Variants in COL7A1 observed in about 807,000 individuals in gnomAD.
COL7A1 encodes collagen type VII alpha 1 chain.
In COL7A1, 296 loss-of-function variants were observed where a neutral mutation model predicts 456.2. The ratio of observed to expected loss-of-function variants is 0.65; its 90% confidence interval spans 0.59 to 0.71. The LOEUF is 0.71. Among genes scored for constraint, COL7A1 ranks in the 30% least tolerant of loss-of-function variants. The probability of loss-of-function intolerance (pLI) is 0.00; values close to 1 mark genes in which losing one functional copy is unlikely to be tolerated. For missense variants in COL7A1, 3,441 were observed against 4,017.2 expected, an observed-to-expected ratio of 0.86 and a Z score of 3.88; for synonymous variants, 1,464 against 1,525.9, an observed-to-expected ratio of 0.96 and a Z score of 0.95.
Position 48,570,772 on chromosome 3 carries a change from C to G in COL7A1, c.7273-62G>C, listed in dbSNP as rs1019183174. On this transcript the variant is annotated intron_variant, in intron 95 of 118. Transcript: ENST00000681320. The surrounding 1 kb of genome is among the most constrained non-coding windows in gnomAD (Gnocchi z 5.5). ...CTTGGGAACCCTCCTACCCTCTGCC[C>G]CCTCAAGACTGGGAACCCCCAAGGC... 1.1e-5 allele frequency: 17 copies of G among 1,556,592 alleles called. No individual in the cohort carries two copies. The highest frequency in any genetic ancestry group is 1.5e-5 in the Non-Finnish European group (17 of 1,150,038).
chr3:48,590,926 T>TG lies in COL7A1; in HGVS notation c.1637-111dup. On this transcript the variant is annotated intron_variant, in intron 13 of 118. Coordinates refer to ENST00000681320, the MANE Select transcript of COL7A1 (RefSeq NM_000094.4). The surrounding 1 kb of genome is among the most constrained non-coding windows in gnomAD (Gnocchi z 4.6). ...GTGAGAAGGGCCATGGGGGTGGGGATGTGGGGTGGTGGGGACCAGAGAGCT... is the reference window on the plus strand; with the variant it reads ...GTGAGAAGGGCCATGGGGGTGGGGATGGTGGGGTGGTGGGGACCAGAGAGCT... 1 of 939,554 alleles carries TG rather than the reference T, an allele frequency of 1.1e-6. No individual in the cohort carries two copies. 58.2% of individuals were successfully genotyped at this position (939,554 alleles called of 1,614,324 possible). A position where few individuals can be genotyped will look rare whatever the true frequency, so the allele number is the denominator to read the frequency against.
chr3:48,575,284 T>TTGC lies in COL7A1; in HGVS notation c.6181-43_6181-42insGCA, dbSNP rs2044214137. 40 of 1,532,114 alleles carry TTGC rather than the reference T, an allele frequency of 2.6e-5. No homozygotes were observed. The highest frequency in any genetic ancestry group is 4.6e-5 in the East Asian group (2 of 43,486). The allele number at this position is 1,532,114 out of a possible 1,614,324, so 94.9% of individuals were successfully genotyped here. On this transcript the variant is annotated intron_variant, in intron 74 of 118. Transcript: ENST00000681320. The surrounding 1 kb of genome is among the most constrained non-coding windows in gnomAD (Gnocchi z 6.3). ...GGGTGAGGGCCAAGCCCATGGGGGG[T>TTGC]CCCACCCCTCCCAACCCCTCTTCCC...
At position 48,576,882 on chromosome 3, in the gene COL7A1, A is replaced by C; in HGVS notation, c.5604+2T>G. On this transcript the variant is annotated splice_donor_variant, in intron 67 of 118. Coordinates refer to ENST00000681320, the MANE Select transcript of COL7A1 (RefSeq NM_000094.4). LOFTEE classifies it high-confidence loss of function. ...GAGGTTGCAGAAAACTCCAATACTC[A>C]CTTCTCTCCCAGAGGCGCCTGAATC... 1 of 1,613,972 alleles carries C rather than the reference A, an allele frequency of 6.2e-7. No individual in the cohort carries two copies. Among genetic ancestry groups the C allele is most frequent in the Non-Finnish European group, 8.5e-7 (1 of 1,180,022 alleles).
chr3:48,565,369 G>T lies in COL7A1; in HGVS notation c.8527+41C>A. 6.4e-7 allele frequency: 1 copy of T among 1,573,112 alleles called. No homozygotes were observed. Among genetic ancestry groups the T allele is most frequent in the South Asian group, 1.1e-5 (1 of 86,992 alleles). On this transcript the variant is annotated intron_variant, in intron 116 of 118. Coordinates refer to ENST00000681320, the MANE Select transcript of COL7A1 (RefSeq NM_000094.4). The surrounding 1 kb of genome is among the most constrained non-coding windows in gnomAD (Gnocchi z 4.5). Reference sequence around the variant, plus strand: ...TCATGGACACCCATGTGCGTGTCTCGGCCCCACCCATAGCTGCCCCACGGG... The same window carrying T: ...TCATGGACACCCATGTGCGTGTCTCTGCCCCACCCATAGCTGCCCCACGGG...
At position 48,586,031 on chromosome 3, in the gene COL7A1, C is replaced by T. The variant is rs1391667738; in HGVS notation, c.3723+43G>A. On this transcript the variant is annotated intron_variant, in intron 28 of 118. Coordinates refer to ENST00000681320, the MANE Select transcript of COL7A1 (RefSeq NM_000094.4). This position sits in a 1 kb window ranked among gnomAD's most constrained non-coding sequence, Gnocchi z 5.1. ...CATTTCTACCAAGAACCCCCAGACC[C>T]CTTATATTCTACCACCCAGTCCCCC... 3 of 1,613,534 alleles carry T rather than the reference C, an allele frequency of 1.9e-6. No individual in the cohort carries two copies. In the African/African-American group the frequency reaches 4.0e-5, roughly 22 times the overall value.
Position 48,585,252 on chromosome 3 carries a change from G to A in COL7A1, c.3895-136C>T. ...GTGTTATTGGGGGTGGAACAGTGAG[G>A]CAGAGAAATGGCCCCTCAGAGCTTC... On this transcript the variant is annotated intron_variant, in intron 32 of 118. Coordinates refer to ENST00000681320, the MANE Select transcript of COL7A1 (RefSeq NM_000094.4). This position sits in a 1 kb window ranked among gnomAD's most constrained non-coding sequence, Gnocchi z 4.5. 1.1e-6 allele frequency: 1 copy of A among 882,526 alleles called. No individual in the cohort carries two copies. The highest frequency in any genetic ancestry group is 1.8e-6 in the Non-Finnish European group (1 of 566,868). The allele number at this position is 882,526 out of a possible 1,614,324, so 54.7% of individuals were successfully genotyped here.
chr3:48,590,647 C>T lies in COL7A1; in HGVS notation c.1780+26G>A. The T allele has an allele frequency of 6.2e-7, 1 of 1,613,964 alleles. No homozygotes were observed. Among genetic ancestry groups the T allele is most frequent in the South Asian group, 1.1e-5 (1 of 91,090 alleles). Reference sequence around the variant, plus strand: ...GACCAGAGTGAGGCAGGCAGCTGTCCTCCACAAGCCTCCTGCAGTACTCAC... The same window carrying T: ...GACCAGAGTGAGGCAGGCAGCTGTCTTCCACAAGCCTCCTGCAGTACTCAC... On this transcript the variant is annotated intron_variant, in intron 14 of 118. Transcript: ENST00000681320. The surrounding 1 kb of genome is among the most constrained non-coding windows in gnomAD (Gnocchi z 4.6).
Position 48,588,861 on chromosome 3 carries a change from G to T in COL7A1, c.2440+9C>A. 1 of 1,613,590 alleles carries T rather than the reference G, an allele frequency of 6.2e-7. No individual in the cohort carries two copies. Among genetic ancestry groups the T allele is most frequent in the South Asian group, 1.1e-5 (1 of 91,088 alleles). ...CAGGAAGGACAGGGGTGGCGTCAGG[G>T]AGCCATACCTTCACTCCGGCCCCAG... On this transcript the variant is annotated intron_variant, in intron 19 of 118. Transcript: ENST00000681320. The surrounding 1 kb of genome is among the most constrained non-coding windows in gnomAD (Gnocchi z 4.6).
Position 48,590,215 on chromosome 3 carries a change from G to A in COL7A1, c.2048C>T (p.Thr683Met), listed in dbSNP as rs201852525. ...AAGGGACGGGGGCAGGGCCTGACCC[G>A]TTCGAGCCACGATGACTGCAGCAGG... Reference protein sequence around the residue: ...EGPAAVIVARTDPLGPVRTVH... With the variant: ...EGPAAVIVARMDPLGPVRTVH... The change falls in exon 16 of 119, where the codon ACG becomes ATG. Residue 683 changes from threonine to methionine, a missense_variant and splice_region_variant. Thr to Met is a moderately conservative substitution (Grantham distance 81). This residue lies in a region of COL7A1 where 913 missense variants were observed against 1,088.2 expected (regional missense o/e 0.84). Transcript: ENST00000681320. This position sits in a 1 kb window ranked among gnomAD's most constrained non-coding sequence, Gnocchi z 4.6. 9.9e-6 allele frequency: 16 copies of A among 1,612,820 alleles called. No individual in the cohort carries two copies. The highest frequency in any genetic ancestry group is 4.5e-5 in the East Asian group (2 of 44,852).
chr3:48,585,841 G>T lies in COL7A1; in HGVS notation c.3775C>A (p.Pro1259Thr). 1.2e-6 allele frequency: 2 copies of T among 1,614,070 alleles called. No homozygotes were observed. Among genetic ancestry groups the T allele is most frequent in the Non-Finnish European group, 1.7e-6 (2 of 1,180,026 alleles). The stretch of plus-strand genomic sequence containing the variant: ...GCAGGGGCACTCACCATCTCTCCAG[G>T]TTCCCCCTTCTGGCCCTGGGGAAAG... ...VYCPKGQKGE[P>T]GEMGLRGQVG... The change falls in exon 30 of 119, where the codon CCT becomes ACT. Residue 1259 changes from proline to threonine, a missense_variant. Around this residue, in one of 3 missense-constraint regions of COL7A1, gnomAD observed 2,084 missense variants for 2,501.3 expected, o/e 0.83. Coordinates refer to ENST00000681320, the MANE Select transcript of COL7A1 (RefSeq NM_000094.4). The surrounding 1 kb of genome is among the most constrained non-coding windows in gnomAD (Gnocchi z 4.5).
rs1414711853 is a variant in COL7A1 at position 48,565,955 on chromosome 3, C to T, written c.8408-287G>A. Among the ~76,000 whole-genome samples the T allele has an allele frequency of 6.6e-6, 1 of 152,096 alleles. No individual in the cohort carries two copies. Among genetic ancestry groups the T allele is most frequent in the Non-Finnish European group, 1.5e-5 (1 of 68,008 alleles). On this transcript the variant is annotated intron_variant, in intron 114 of 118. Transcript: ENST00000681320. This position sits in a 1 kb window ranked among gnomAD's most constrained non-coding sequence, Gnocchi z 4.5. ...TGCAGACAGAGACGGGAAGAGACAG[C>T]TTCACTCTGATGCCCCTCCCACCGG...
rs770755232 is a variant in COL7A1, at chr3:48,571,340, G to A, written c.7069-62C>T. ...GAACATGAGCACAGAGTTCAGACAC[G>A]GGCTGAAAATATTCCCAGGGGAGTT... is the stretch of plus-strand genomic sequence containing the variant. On this transcript the variant is annotated intron_variant, in intron 92 of 118. Transcript: ENST00000681320. The surrounding 1 kb of genome is among the most constrained non-coding windows in gnomAD (Gnocchi z 4.6). The A allele has an allele frequency of 1.6e-5, 25 of 1,592,362 alleles. No individual in the cohort carries two copies. Among genetic ancestry groups the A allele is most frequent in the Middle Eastern group, 1.7e-4 (1 of 6,036 alleles).
Position 48,570,233 on chromosome 3 carries a change from C to A in COL7A1, c.7440+42G>T. On this transcript the variant is annotated intron_variant, in intron 98 of 118. Transcript: ENST00000681320. This position sits in a 1 kb window ranked among gnomAD's most constrained non-coding sequence, Gnocchi z 5.5. ...AGAGGTTGGAAATCAGAGGCAAGAG[C>A]TGGGATGAAGGGAGTTCGGCTGTGG... 7 of 1,614,084 alleles carry A rather than the reference C, an allele frequency of 4.3e-6. No individual in the cohort carries two copies. The highest frequency in any genetic ancestry group is 5.1e-6 in the Non-Finnish European group (6 of 1,179,976).
chr3:48,594,601 T>C lies in COL7A1; in HGVS notation c.86-53A>G, dbSNP rs1480539458. 3 of 1,528,638 alleles carry C rather than the reference T, an allele frequency of 2.0e-6. No homozygotes were observed. The highest frequency in any genetic ancestry group is 2.0e-5 in the Admixed American group (1 of 51,026). The allele number at this position is 1,528,638 out of a possible 1,614,324, so 94.7% of individuals were successfully genotyped here. A position where few individuals can be genotyped will look rare whatever the true frequency, so the allele number is the denominator to read the frequency against. ...TCTTCTGGGAGGCCAACCACCCGCC[T>C]ACCCGCACGGTGGCCTCACTGGGAC... On this transcript the variant is annotated intron_variant, in intron 2 of 118. Transcript: ENST00000681320. This position sits in a 1 kb window ranked among gnomAD's most constrained non-coding sequence, Gnocchi z 5.5.
intron 69 of COL7A1, 22 bp from the exon 70 acceptor site, chr3:48,576,457 TG>T: frequency 6.2e-7 from 1 of 1,613,204 alleles, no homozygotes; most frequent in Non-Finnish European, 8.5e-7. Context: ...AATGACCAGG[TG>T]GGGAAATGGC....
chr3:48,590,631 G>A lies in COL7A1; in HGVS notation c.1780+42C>T. 2 of 1,614,002 alleles carry A rather than the reference G, an allele frequency of 1.2e-6. No homozygotes were observed. The highest frequency in any genetic ancestry group is 2.2e-5 in the South Asian group (2 of 91,084). On this transcript the variant is annotated intron_variant, in intron 14 of 118. Coordinates refer to ENST00000681320, the MANE Select transcript of COL7A1 (RefSeq NM_000094.4). This position sits in a 1 kb window ranked among gnomAD's most constrained non-coding sequence, Gnocchi z 4.6. ...CAGAAGTCAGAACCAGGACCAGAGT[G>A]AGGCAGGCAGCTGTCCTCCACAAGC...
At position 48,569,586 on chromosome 3, in the gene COL7A1, A is replaced by G. The variant is rs763677512; in HGVS notation, c.7614+6T>C. The G allele has an allele frequency of 1.9e-6, 3 of 1,613,324 alleles. No homozygotes were observed. The Admixed American group carries it at 5.0e-5, about 27-fold the overall frequency. ...GGAGACCCAGTCCACACGTGGGCCC[A>G]CTCACCATGTCCCCCTTGGCACCCC... On this transcript the variant is annotated splice_donor_region_variant and intron_variant, in intron 102 of 118. Coordinates refer to ENST00000681320, the MANE Select transcript of COL7A1 (RefSeq NM_000094.4). The surrounding 1 kb of genome is among the most constrained non-coding windows in gnomAD (Gnocchi z 4.9).
In COL7A1 at chr3:48,568,064, A is replaced by G. The variant is rs138206338; in HGVS notation, c.7875+26T>C. 2.3e-3 allele frequency: 3,732 copies of G among 1,614,104 alleles called. 3 individuals carry two copies. The highest frequency in any genetic ancestry group is 2.8e-3 in the Non-Finnish European group (3,270 of 1,179,964). The stretch of plus-strand genomic sequence containing the variant: ...CAACATTAGGCCTTCCTGACCAGAA[A>G]AAAACCAATCTTGTTTCTTTCCTAC... On this transcript the variant is annotated intron_variant, in intron 106 of 118. Transcript: ENST00000681320. The surrounding 1 kb of genome is among the most constrained non-coding windows in gnomAD (Gnocchi z 5.2).
rs1424587738 is a variant in COL7A1 at position 48,581,618 on chromosome 3, C to T, written c.4737G>A (p.Leu1579=). The T allele has an allele frequency of 6.2e-7, 1 of 1,614,188 alleles. No individual in the cohort carries two copies. The highest frequency in any genetic ancestry group is 1.3e-5 in the African/African-American group (1 of 75,042). ...GVQGERGPPG[L]VLPGDPGPKG... The stretch of plus-strand genomic sequence containing the variant: ...TGGGGCCAGGGTCTCCAGGAAGAAC[C>T]AAGCCGGGTGGGCCCTGTGGATGGA... Residue 1579 remains leucine (L), a synonymous_variant, in exon 50 of 119, where the codon TTG becomes TTA. Coordinates refer to ENST00000681320, the MANE Select transcript of COL7A1 (RefSeq NM_000094.4). This position sits in a 1 kb window ranked among gnomAD's most constrained non-coding sequence, Gnocchi z 5.8.
Sources: allele counts gnomAD v4.1 joint callset (sites outside exome capture counted in the v4.1 genomes callset), GRCh38; gene constraint gnomAD v4.1.1; regional missense constraint gnomAD v4.1.1; non-coding constraint Gnocchi (gnomAD v3.1); transcripts MANE v1.5; gene names NCBI Gene and HGNC (gene_info 2026-07-23, HGNC 2026-07-21).